Variants in SORBS3 observed in about 807,000 individuals in gnomAD.
The protein encoded by SORBS3 is vinexin.
A neutral mutation model predicts 98.0 loss-of-function variants in SORBS3; 69 were observed. The observed-to-expected ratio is 0.70, with a 90% CI of 0.58 to 0.86. SORBS3 has a LOEUF of 0.86. Among genes scored for constraint, SORBS3 ranks in the 40% least tolerant of loss-of-function variants. The pLI, the probability that SORBS3 is intolerant of heterozygous loss-of-function variation, is 0.00. For synonymous variants in SORBS3, 394 were observed against 355.4 expected (o/e 1.11, Z -1.22); for missense variants, 954 against 908.5 (o/e 1.05, Z -0.64).
Position 22,569,243 on chromosome 8 carries a change from G to A in SORBS3, c.1401G>A (p.Gly467=). 6.2e-7 allele frequency: 1 copy of A among 1,603,344 alleles called. No homozygotes were observed. The highest frequency in any genetic ancestry group is 8.5e-7 in the Non-Finnish European group (1 of 1,174,690). Residue 467 remains glycine (G), a synonymous_variant, in exon 17 of 21, where the codon GGG becomes GGA. Transcript: ENST00000240123. Reference sequence around the variant, plus strand: ...CTGTGGCCCAGTACACCTTCAAGGGGGACCTGGAGGTGGAGCTGTCCTTCC... The same window carrying A: ...CTGTGGCCCAGTACACCTTCAAGGGAGACCTGGAGGTGGAGCTGTCCTTCC... ...GEAVAQYTFK[G]DLEVELSFRK...
At chr8:22,547,956 A>G (rs892785313), upstream of SORBS3, among the ~76,000 whole-genome samples, 7 of 152,218 alleles carry the variant, frequency 4.6e-5, no homozygotes, top group African/African-American at 1.7e-4. Context: ...AGAACCCAGA[A>G]TAGATGCCCA....
chr8:22,564,208 C>G, intron 8 of SORBS3, 75 bp from the exon 9 acceptor site: 1 of 1,501,886 alleles, frequency 6.7e-7, no homozygotes, highest in Non-Finnish European at 9.1e-7. Context: ...CAGGGGCCTG[C>G]AAGCCTGCAT....
chr8:22,552,305 GCCTCC>G (rs1046294319), intron 1 of SORBS3, among the ~76,000 whole-genome samples: 7 of 151,994 alleles, frequency 4.6e-5, no homozygotes, highest in African/African-American at 1.7e-4. Context: ...CAGCAGAGCC[GCCTCC>G]CCTCTCCCGC....
chr8:22,555,275 G>A (rs1840163547), intron 3 of SORBS3, among the ~76,000 whole-genome samples: 1 of 152,212 alleles, frequency 6.6e-6, no homozygotes, highest in Non-Finnish European at 1.5e-5. Flanking sequence ...CTCCCACAGG[G>A]ACTGGGGATG....
chr8:22,554,730 G>C lies in SORBS3; in HGVS notation c.102+122G>C, dbSNP rs946548772. On this transcript the variant is annotated intron_variant, in intron 2 of 20. Transcript: ENST00000240123. This position sits in a 1 kb window ranked among gnomAD's most constrained non-coding sequence, Gnocchi z 6.5. Reference sequence around the variant, plus strand: ...GGAGGGCTGAAGAGAGCTCTGGGGGGCCTCGCTGGTTTCCCACAAAATCGT... The same window carrying C: ...GGAGGGCTGAAGAGAGCTCTGGGGGCCCTCGCTGGTTTCCCACAAAATCGT... 1 of 1,365,198 alleles carries C rather than the reference G, an allele frequency of 7.3e-7. No individual in the cohort carries two copies. The highest frequency in any genetic ancestry group is 9.9e-7 in the Non-Finnish European group (1 of 1,005,714). 84.6% of individuals were successfully genotyped at this position (1,365,198 alleles called of 1,614,324 possible).
Position 22,574,966 on chromosome 8 carries a change from A to G in SORBS3, c.*238A>G, listed in dbSNP as rs1840696253. ...TCATTTCCTCCCCACCCCACTCCCC[A>G]AATACAGAGGTCTGCTTTGAAGCGG... On this transcript the variant is annotated 3_prime_UTR_variant, in exon 21 of 21. Coordinates refer to ENST00000240123, the MANE Select transcript of SORBS3 (RefSeq NM_005775.5). 1.5e-6 allele frequency: 1 copy of G among 653,060 alleles called. No homozygotes were observed. The highest frequency in any genetic ancestry group is 2.0e-5 in the African/African-American group (1 of 50,512). 40.5% of individuals were successfully genotyped at this position (653,060 alleles called of 1,614,324 possible). A position where few individuals can be genotyped will look rare whatever the true frequency, so the allele number is the denominator to read the frequency against.
At position 22,554,601 on chromosome 8, in the gene SORBS3, G is replaced by A. The variant is rs144354172; in HGVS notation, c.95G>A (p.Gly32Glu). 6.2e-7 allele frequency: 1 copy of A among 1,611,952 alleles called. No individual in the cohort carries two copies. The highest frequency in any genetic ancestry group is 8.5e-7 in the Non-Finnish European group (1 of 1,179,788). Reference protein sequence around the residue: ...LQSHIGSSSRGTRVPVIRNGG... With the variant: ...LQSHIGSSSRETRVPVIRNGG... Reference sequence around the variant, plus strand: ...TCCCACATAGGGTCTTCCTCCCGGGGGACACGGGTGAGTGAGTCAGTAGGG... The same window carrying A: ...TCCCACATAGGGTCTTCCTCCCGGGAGACACGGGTGAGTGAGTCAGTAGGG... Residue 32 changes from glycine to glutamate, a missense_variant, in exon 2 of 21, where the codon GGG becomes GAG. By Grantham distance (98) the Gly-to-Glu change is moderately conservative (BLOSUM62 -2). Coordinates refer to ENST00000240123, the MANE Select transcript of SORBS3 (RefSeq NM_005775.5). This position sits in a 1 kb window ranked among gnomAD's most constrained non-coding sequence, Gnocchi z 6.5.
rs1760642979 is a variant in SORBS3 at position 22,551,944 on chromosome 8, C to G, written c.-134C>G. ...TCCTTGCCCTTCCTCCTCGAGCGCC[C>G]GCGCCAGGCAGCAGCCGGGCAGGGA... On this transcript the variant is annotated 5_prime_UTR_variant, in exon 1 of 21. Coordinates refer to ENST00000240123, the MANE Select transcript of SORBS3 (RefSeq NM_005775.5). This position sits in a 1 kb window ranked among gnomAD's most constrained non-coding sequence, Gnocchi z 5.8. 5 of 985,348 alleles carry G rather than the reference C, an allele frequency of 5.1e-6. No homozygotes were observed. Among genetic ancestry groups the G allele is most frequent in the South Asian group, 4.7e-5 (1 of 21,294 alleles). The allele number at this position is 985,348 out of a possible 1,614,324, so 61.0% of individuals were successfully genotyped here. A position where few individuals can be genotyped will look rare whatever the true frequency, so the allele number is the denominator to read the frequency against.
In SORBS3 at chr8:22,569,268, C is replaced by T. The variant is rs540462491; in HGVS notation, c.1426C>T (p.Arg476Cys). 1.6e-4 allele frequency: 255 copies of T among 1,591,574 alleles called. No homozygotes were observed. In the East Asian group the frequency reaches 3.9e-3, roughly 25 times the overall value. ...KGDLEVELSFRKGEHICLIRK... is the reference protein window; with the variant it reads ...KGDLEVELSFCKGEHICLIRK... The stretch of plus-strand genomic sequence containing the variant: ...GGACCTGGAGGTGGAGCTGTCCTTC[C>T]GCAAGGTGGGCCAGGCCGGAGACGG... The change falls in exon 17 of 21, where the codon CGC becomes TGC. Residue 476 changes from arginine (R) to cysteine (C), a missense_variant. Coordinates refer to ENST00000240123, the MANE Select transcript of SORBS3 (RefSeq NM_005775.5).
intron 17 of SORBS3, among the ~76,000 whole-genome samples, chr8:22,569,541 T>C (rs1462301658): frequency 2.6e-5 from 4 of 152,148 alleles, no homozygotes; most frequent in African/African-American, 9.7e-5. Context: ...GGTTTCACGA[T>C]GTTGGCCAGG....
At chr8:22,572,828 C>T (rs980422312) in intron 20 of SORBS3, among the ~76,000 whole-genome samples, 5 of 152,228 alleles carry the variant, frequency 3.3e-5, no homozygotes, top group African/African-American at 9.6e-5. Context: ...CTAGCTGGCT[C>T]CTCCAGCCTG....
At chr8:22,570,047 C>T (rs560495741) in intron 17 of SORBS3, among the ~76,000 whole-genome samples, 1 of 152,300 alleles carries the variant, frequency 6.6e-6, no homozygotes, top group Admixed American at 6.5e-5. Flanking sequence ...GTTATTAAAA[C>T]ATTTTTAACT....
chr8:22,550,893 G>T (rs1380769059), upstream of SORBS3, among the ~76,000 whole-genome samples: 1 of 152,228 alleles, frequency 6.6e-6, no homozygotes, highest in Non-Finnish European at 1.5e-5. Context: ...GGCCAGAAAG[G>T]ATTCCAGAGT....
At chr8:22,567,758 A>T (rs1468123112) in intron 16 of SORBS3, among the ~76,000 whole-genome samples, 1 of 152,182 alleles carries the variant, frequency 6.6e-6, no homozygotes, top group Admixed American at 6.5e-5. Flanking sequence ...AAATATGTCA[A>T]GTTATCCAAA....
intron 10 of SORBS3, chr8:22,564,976 T>C (rs969470836): frequency 8.1e-5 from 110 of 1,350,266 alleles, no homozygotes; most frequent in Non-Finnish European, 9.4e-5. Flanking sequence ...GGGAACCCCA[T>C]TGGTGCTGTA....
chr8:22,548,342 G>A (rs945712961), upstream of SORBS3, among the ~76,000 whole-genome samples: 1 of 152,146 alleles, frequency 6.6e-6, no homozygotes, highest in Non-Finnish European at 1.5e-5. Flanking sequence ...CAGGAGAAAG[G>A]GATGGAGCCC....
intron 1 of SORBS3, among the ~76,000 whole-genome samples, chr8:22,552,437 C>T (rs945469082): frequency 2.0e-5 from 3 of 152,240 alleles, no homozygotes; most frequent in African/African-American, 7.2e-5. Flanking sequence ...ATGCTGCCCT[C>T]TTCCTTGTAA....
chr8:22,556,075 A>G (rs1358001725), intron 3 of SORBS3, among the ~76,000 whole-genome samples: 9 of 152,188 alleles, frequency 5.9e-5, no homozygotes. Flanking sequence ...ACACTTGTAC[A>G]TCTGGCCTCA....
intron 16 of SORBS3, among the ~76,000 whole-genome samples, chr8:22,568,132 G>A (rs1002077739): frequency 2.0e-5 from 3 of 152,166 alleles, no homozygotes; most frequent in Admixed American, 6.5e-5. Context: ...GGTTACAAGC[G>A]TGAGCCACTG....
Sources: allele counts gnomAD v4.1 joint callset (sites outside exome capture counted in the v4.1 genomes callset), GRCh38; gene constraint gnomAD v4.1.1; non-coding constraint Gnocchi (gnomAD v3.1); transcripts MANE v1.5; gene names NCBI Gene and HGNC (gene_info 2026-07-23, HGNC 2026-07-21).